Variants in DCC observed in about 807,000 individuals in gnomAD.
The protein encoded by DCC is DCC netrin 1 receptor.
Under a neutral mutation model 172.5 loss-of-function variants are expected in DCC, and 58 were observed. The observed-to-expected ratio is 0.34, with a 90% CI of 0.27 to 0.42. The LOEUF (loss-of-function observed/expected upper bound fraction) is 0.42. Ranked by LOEUF, DCC falls within the 10% of genes least tolerant of loss-of-function variation. DCC has a pLI of 1.00. For synonymous variants in DCC, 709 were observed against 644.5 expected (o/e 1.10, Z -1.52); for missense variants, 1,740 against 1,791.0 (o/e 0.97, Z 0.51).
intron 1 of DCC, among the ~76,000 whole-genome samples, chr18:52,653,261 T>C (rs939978936): frequency 6.6e-6 from 1 of 152,196 alleles, no homozygotes; most frequent in African/African-American, 2.4e-5. Flanking sequence ...ACTCAAAAAG[T>C]GACTAAAAGG....
intron 1 of DCC, among the ~76,000 whole-genome samples, chr18:52,534,124 T>C (rs2032225313): frequency 6.6e-6 from 1 of 152,092 alleles, no homozygotes; most frequent in African/African-American, 2.4e-5. Context: ...AAAAATATGT[T>C]TAGTAGCAGG....
chr18:53,166,267 T>C (rs2054920401), intron 8 of DCC, among the ~76,000 whole-genome samples: 2 of 152,266 alleles, frequency 1.3e-5, no homozygotes, highest in Non-Finnish European at 2.9e-5. Flanking sequence ...ATATTTGAAA[T>C]GAAGATCATA....
Position 53,058,494 on chromosome 18 carries a change from A to G in DCC, c.986-4811A>G, listed in dbSNP as rs368018543. Among the ~76,000 whole-genome samples the G allele has an allele frequency of 6.6e-5, 10 of 152,266 alleles. No homozygotes were observed. In the East Asian group the frequency reaches 1.5e-3, roughly 24 times the overall value. ...GACTTTATCAATTTGTGTTGAGAAT[A>G]TAGGACTCCAGAGCTGTGAATAGTA... On this transcript the variant is annotated intron_variant, in intron 5 of 28. Transcript: ENST00000442544.
At chr18:53,052,457 CTA>C (rs1331592368) in intron 5 of DCC, among the ~76,000 whole-genome samples, 2 of 151,960 alleles carry the variant, frequency 1.3e-5, no homozygotes, top group Admixed American at 1.3e-4. Context: ...TCTATATTTA[CTA>C]TGCCTGTCTT....
intron 21 of DCC, among the ~76,000 whole-genome samples, chr18:53,425,360 T>TTTTTTTTC (rs1293140224): frequency 1.2e-4 from 15 of 121,042 alleles, no homozygotes. Flanking sequence ...CTCCTCTCTT[T>TTTTTTTTC]TTTTTTTTTT....
intron 1 of DCC, among the ~76,000 whole-genome samples, chr18:52,375,358 G>T (rs1018351940): frequency 6.6e-6 from 1 of 152,104 alleles, no homozygotes; most frequent in African/African-American, 2.4e-5. Context: ...AAGGTTAAAA[G>T]AATTAACAAA....
intron 1 of DCC, among the ~76,000 whole-genome samples, chr18:52,472,974 G>A (rs1006538080): frequency 1.3e-5 from 2 of 152,126 alleles, no homozygotes; most frequent in African/African-American, 4.8e-5. Context: ...AAGGAACAAA[G>A]AGTATTTCAA....
chr18:53,207,275 G>C (rs769601056), intron 10 of DCC, among the ~76,000 whole-genome samples: 1 of 152,136 alleles, frequency 6.6e-6, no homozygotes, highest in Non-Finnish European at 1.5e-5. Context: ...AGAGCTGTGG[G>C]TATATTTCAG....
chr18:52,943,983 C>T (rs914615301), intron 5 of DCC, among the ~76,000 whole-genome samples: 1 of 152,128 alleles, frequency 6.6e-6, no homozygotes, highest in East Asian at 1.9e-4. Flanking sequence ...GTCTCGAACT[C>T]CTAACCTCAA....
intron 1 of DCC, among the ~76,000 whole-genome samples, chr18:52,568,672 CTATG>C (rs1250856559): frequency 6.6e-6 from 1 of 151,990 alleles, no homozygotes; most frequent in Non-Finnish European, 1.5e-5. Flanking sequence ...CTATATGTCA[CTATG>C]TGTGTGTGCT....
At chr18:52,364,946 C>CT (rs1984780735) in intron 1 of DCC, among the ~76,000 whole-genome samples, 1 of 151,998 alleles carries the variant, frequency 6.6e-6, no homozygotes, top group African/African-American at 2.4e-5. Flanking sequence ...GGACTTATGC[C>CT]TTTTTTGTCA....
At chr18:53,064,195 A>T (rs1310271278) in intron 6 of DCC, among the ~76,000 whole-genome samples, 3 of 152,164 alleles carry the variant, frequency 2.0e-5, no homozygotes, top group Non-Finnish European at 4.4e-5. Context: ...CCTGGTACAC[A>T]TGGAGTGCTC....
intron 26 of DCC, among the ~76,000 whole-genome samples, chr18:53,487,501 C>A (rs981135849): frequency 6.7e-6 from 1 of 148,498 alleles, no homozygotes; most frequent in Non-Finnish European, 1.5e-5. Context: ...TATATACACC[C>A]TGGTGATTTC....
rs1731734324 is a variant in DCC, at chr18:53,533,179, G to A, written c.*2526G>A. The A allele has an allele frequency of 6.6e-6, 1 of 152,012 alleles. No homozygotes were observed. Among genetic ancestry groups the A allele is most frequent in the African/African-American group, 2.4e-5 (1 of 41,382 alleles). 9.4% of individuals were successfully genotyped at this position (152,012 alleles called of 1,614,324 possible). A position where few individuals can be genotyped will look rare whatever the true frequency, so the allele number is the denominator to read the frequency against. On this transcript the variant is annotated 3_prime_UTR_variant, in exon 29 of 29. Coordinates refer to ENST00000442544, the MANE Select transcript of DCC (RefSeq NM_005215.4). ...AAATGATTCATATATGTATATAATT[G>A]CCTGCCCAAGTTTTCAGGTAACTTA...
At chr18:53,294,459 G>A (rs1344338481) in intron 12 of DCC, among the ~76,000 whole-genome samples, 2 of 152,208 alleles carry the variant, frequency 1.3e-5, no homozygotes, top group Non-Finnish European at 2.9e-5. Flanking sequence ...TTCTGGTTGT[G>A]AATCAGAAGG....
chr18:52,767,176 A>C (rs1010259307), intron 2 of DCC, among the ~76,000 whole-genome samples: 1 of 151,954 alleles, frequency 6.6e-6, no homozygotes, highest in Non-Finnish European at 1.5e-5. Context: ...TAGGATCAAT[A>C]CTTCTGCCTG....
intron 5 of DCC, among the ~76,000 whole-genome samples, chr18:53,045,339 T>A (rs1271430851): frequency 2.6e-5 from 4 of 151,866 alleles, no homozygotes; most frequent in Admixed American, 6.6e-5. Flanking sequence ...CAGCAATTCT[T>A]AGTTAGCCTT....
At chr18:52,575,169 T>G (rs1279846215) in intron 1 of DCC, among the ~76,000 whole-genome samples, 1 of 152,204 alleles carries the variant, frequency 6.6e-6, no homozygotes, top group Non-Finnish European at 1.5e-5. Context: ...ATGAGTTATA[T>G]TTTTCTGGAC....
chr18:52,699,412 C>A (rs2036070013), intron 1 of DCC, among the ~76,000 whole-genome samples: 1 of 152,144 alleles, frequency 6.6e-6, no homozygotes, highest in African/African-American at 2.4e-5. Context: ...TCCCCTATCC[C>A]CCCCAAGGTT....
Sources: allele counts gnomAD v4.1 joint callset (sites outside exome capture counted in the v4.1 genomes callset), GRCh38; gene constraint gnomAD v4.1.1; transcripts MANE v1.5; gene names NCBI Gene and HGNC (gene_info 2026-07-23, HGNC 2026-07-21).